Variants in CHEK1 observed in about 807,000 individuals in gnomAD.
CHEK1 encodes serine/threonine-protein kinase Chk1.
In CHEK1, 32 loss-of-function variants were observed where a neutral mutation model predicts 60.2. The ratio of observed to expected loss-of-function variants is 0.53; its 90% CI spans 0.40 to 0.71. CHEK1 has a LOEUF of 0.71. Ranked by LOEUF, CHEK1 falls within the 30% of genes least tolerant of loss-of-function variation. The pLI, the probability that CHEK1 is intolerant of heterozygous loss-of-function variation, is 0.00. For synonymous variants in CHEK1, 179 were observed against 187.2 expected, an observed-to-expected ratio of 0.96 and a Z score of 0.36; for missense variants, 399 against 564.6, an observed-to-expected ratio of 0.71 and a Z score of 2.97.
intron 13 of CHEK1, among the ~76,000 whole-genome samples, chr11:125,664,105 G>A (rs1157625611): frequency 6.6e-6 from 1 of 152,146 alleles, no homozygotes; most frequent in African/African-American, 2.4e-5. Context: ...CTGTAGCCTT[G>A]CAGTATAGTT....
chr11:125,669,775 C>T (rs994584986), intron 13 of CHEK1, among the ~76,000 whole-genome samples: 1 of 151,996 alleles, frequency 6.6e-6, no homozygotes, highest in South Asian at 2.1e-4. Context: ...CCACCCGCCT[C>T]GGCCTCCCAA....
Position 125,644,624 on chromosome 11 carries a change from A to G in CHEK1, c.1214A>G (p.Lys405Arg). The change falls in exon 11 of 13, where the codon AAG becomes AGG. Residue 405 changes from lysine (K) to arginine (R), a missense_variant. Physicochemically the swap from Lys to Arg is conservative, Grantham distance 26. Around this residue, in one of 2 missense-constraint regions of CHEK1, gnomAD observed 370 missense variants for 494.8 expected, o/e 0.75. Coordinates refer to ENST00000438015, the MANE Select transcript of CHEK1 (RefSeq NM_001114122.3). The stretch of plus-strand genomic sequence containing the variant: ...TGTGAGAAGTTGGGCTATCAATGGA[A>G]GAAAAGTTGTATGAATCAGGTGTGT... ...ETCEKLGYQW[K>R]KSCMNQVTIS... The G allele has an allele frequency of 1.2e-6, 2 of 1,614,058 alleles. No individual in the cohort carries two copies. The highest frequency in any genetic ancestry group is 2.2e-5 in the East Asian group (1 of 44,868).
At chr11:125,644,324 A>T (rs1591409354) in intron 10 of CHEK1, 56 bp downstream of exon 10, 1 of 1,533,486 alleles carries the variant, frequency 6.5e-7, no homozygotes, top group Non-Finnish European at 8.8e-7. Context: ...TTATTGTCTT[A>T]AAGTCCTTTT....
chr11:125,635,041 T>C (rs1252510148), intron 6 of CHEK1, among the ~76,000 whole-genome samples: 1 of 152,126 alleles, frequency 6.6e-6, no homozygotes, highest in Non-Finnish European at 1.5e-5. Flanking sequence ...CACTGCAGTC[T>C]TGACCTCTTG....
chr11:125,676,149 C>G, exon 14 of CHEK1: 1 of 514,948 alleles, frequency 1.9e-6, no homozygotes, highest in Non-Finnish European at 3.4e-6. Flanking sequence ...CTCAAGTGAT[C>G]CACCTGCCTT....
intron 6 of CHEK1, among the ~76,000 whole-genome samples, chr11:125,634,962 G>GTTT (rs35745732): frequency 3.4e-5 from 5 of 145,862 alleles, no homozygotes; most frequent in African/African-American, 7.5e-5. Context: ...CTGTTTTTTG[G>GTTT]TTTTTTTTTT....
At chr11:125,644,696 T>C in intron 11 of CHEK1, 53 bp downstream of exon 11, 1 of 1,576,262 alleles carries the variant, frequency 6.3e-7, no homozygotes, top group Non-Finnish European at 8.7e-7. Flanking sequence ...ATTTAAATAT[T>C]TGAGTAAAAG....
chr11:125,666,986 GT>G (rs34905634), intron 13 of CHEK1, among the ~76,000 whole-genome samples: 17 of 141,886 alleles, frequency 1.2e-4, no homozygotes, highest in Admixed American at 1.4e-4. Context: ...GTTTTTCGGT[GT>G]TTTTTTTTTT....
At chr11:125,652,730 G>A (rs912802513) in intron 11 of CHEK1, among the ~76,000 whole-genome samples, 1 of 152,058 alleles carries the variant, frequency 6.6e-6, no homozygotes, top group African/African-American at 2.4e-5. Context: ...GTATTCATGG[G>A]GTATGTAGTG....
rs66560397 is a variant in CHEK1, at chr11:125,665,869, C to CTTTT, written c.*28-10037_*28-10034dup. ...TTTATTTATTTGGGTCTTCATTCCC[C>CTTTT]TTTTTTTTTTTTTTTTTTTTTTTTT... On this transcript the variant is annotated intron_variant, in intron 13 of 13. Transcript: ENST00000428830. Among the ~76,000 whole-genome samples the CTTTT allele has an allele frequency of 4.8e-3, 148 of 30,526 alleles. 1 individual carries two copies. The highest frequency in any genetic ancestry group is 6.5e-3 in the African/African-American group (47 of 7,188). 20.0% of individuals were successfully genotyped at this position (30,526 alleles called of 152,430 possible). A position where few individuals can be genotyped will look rare whatever the true frequency, so the allele number is the denominator to read the frequency against.
At chr11:125,646,125 C>T (rs916584030) in intron 11 of CHEK1, among the ~76,000 whole-genome samples, 8 of 152,106 alleles carry the variant, frequency 5.3e-5, no homozygotes, top group African/African-American at 1.9e-4. Context: ...TCTGTACCAC[C>T]TAGAATCACT....
chr11:125,670,852 TTA>T (rs1942188290), intron 13 of CHEK1, among the ~76,000 whole-genome samples: 1 of 152,224 alleles, frequency 6.6e-6, no homozygotes, highest in East Asian at 1.9e-4. Flanking sequence ...AATCTTTTTT[TTA>T]TGTTTTGTCC....
chr11:125,632,628 A>ATATTTT (rs1346325288), intron 5 of CHEK1, among the ~76,000 whole-genome samples: 1 of 149,386 alleles, frequency 6.7e-6, no homozygotes, highest in African/African-American at 2.5e-5. Context: ...GTCTTCTGAT[A>ATATTTT]TTTTTTTTTT....
chr11:125,625,885 A>G lies in CHEK1; in HGVS notation c.-148A>G, dbSNP rs925840558. ...AGCCGCCGACATTCAGAGGGGCAGG[A>G]CACGGGAACGCGCGCTGTCTTGCTT... is the stretch of plus-strand genomic sequence containing the variant. On this transcript the variant is annotated 5_prime_UTR_variant, in exon 1 of 13. Transcript: ENST00000438015. 6 of 702,534 alleles carry G rather than the reference A, an allele frequency of 8.5e-6. No individual in the cohort carries two copies. The highest frequency in any genetic ancestry group is 2.3e-4 in the Middle Eastern group (1 of 4,392). The allele number at this position is 702,534 out of a possible 1,614,324, so 43.5% of individuals were successfully genotyped here. A position where few individuals can be genotyped will look rare whatever the true frequency, so the allele number is the denominator to read the frequency against.
chr11:125,643,964 A>G (rs1314824521), intron 9 of CHEK1, 64 bp downstream of exon 9: 31 of 1,532,166 alleles, frequency 2.0e-5, no homozygotes, highest in Admixed American at 1.6e-4. Flanking sequence ...TAATACATGT[A>G]TGTGTTTTTT....
chr11:125,633,361 A>G lies in CHEK1; in HGVS notation c.613+10A>G, dbSNP rs1254782136. 1.3e-6 allele frequency: 2 copies of G among 1,520,936 alleles called. No homozygotes were observed. The highest frequency in any genetic ancestry group is 1.8e-6 in the Non-Finnish European group (2 of 1,140,812). 94.2% of individuals were successfully genotyped at this position (1,520,936 alleles called of 1,614,324 possible). A position where few individuals can be genotyped will look rare whatever the true frequency, so the allele number is the denominator to read the frequency against. On this transcript the variant is annotated intron_variant, in intron 6 of 12. Transcript: ENST00000438015. ...GCAATGCTCGCTGGAGGTAAGAGCT[A>G]TTTAATCATGGTAAAACTCCTATAA...
downstream of CHEK1, among the ~76,000 whole-genome samples, chr11:125,679,121 T>C (rs111989846): frequency 9.9e-4 from 149 of 150,630 alleles, 1 homozygote; most frequent in African/African-American, 3.5e-3. Context: ...CTCAATTTTA[T>C]TTTTCTTTTC....
At chr11:125,634,513 G>A (rs1325268544) in intron 6 of CHEK1, among the ~76,000 whole-genome samples, 1 of 151,528 alleles carries the variant, frequency 6.6e-6, no homozygotes, top group Admixed American at 6.6e-5. Context: ...TTTTTTCACA[G>A]ACGGTCTCTC....
intron 5 of CHEK1, among the ~76,000 whole-genome samples, chr11:125,630,546 A>G (rs1204068357): frequency 6.6e-6 from 1 of 152,052 alleles, no homozygotes; most frequent in Non-Finnish European, 1.5e-5. Flanking sequence ...CCTGGCCTCA[A>G]GTGATCTGCC....
Sources: allele counts gnomAD v4.1 joint callset (sites outside exome capture counted in the v4.1 genomes callset), GRCh38; gene constraint gnomAD v4.1.1; regional missense constraint gnomAD v4.1.1; transcripts MANE v1.5; gene names NCBI Gene and HGNC (gene_info 2026-07-23, HGNC 2026-07-21).